The following GRID2 variants were observed in gnomAD, a reference collection of about 807,000 sequenced individuals.
GRID2 encodes the protein glutamate ionotropic receptor delta type subunit 2, also known as glutamate receptor ionotropic, delta-2.
GRID2 carries 33 observed loss-of-function variants against 114.8 expected under a neutral mutation model. That is an observed-to-expected ratio of 0.29 (90% CI 0.22 to 0.38). GRID2 has a LOEUF of 0.38. Ranked by LOEUF, GRID2 falls within the 10% of genes least tolerant of loss-of-function variation. The pLI is 1.00. For synonymous variants in GRID2, 505 were observed against 449.9 expected (o/e 1.12, Z -1.55); for missense variants, 1,184 against 1,257.7 (o/e 0.94, Z 0.89).
chr4:92,985,913 A>G (rs533081865), intron 2 of GRID2, among the ~76,000 whole-genome samples: 3 of 152,324 alleles, frequency 2.0e-5, no homozygotes, highest in Admixed American at 2.0e-4. Context: ...TGAGGAGGAA[A>G]GCATCTATAA....
chr4:93,017,428 C>T (rs2149240812), intron 2 of GRID2, among the ~76,000 whole-genome samples: 1 of 152,182 alleles, frequency 6.6e-6, no homozygotes, highest in South Asian at 2.1e-4. Flanking sequence ...ACTTTTGCTG[C>T]TGCTACTTTC....
At chr4:92,746,581 G>C (rs1443859197) in intron 2 of GRID2, among the ~76,000 whole-genome samples, 1 of 152,050 alleles carries the variant, frequency 6.6e-6, no homozygotes, top group Admixed American at 6.5e-5. Flanking sequence ...AATTAGTGGA[G>C]TTATGGGATA....
intron 2 of GRID2, among the ~76,000 whole-genome samples, chr4:92,765,692 C>T (rs1449116069): frequency 6.6e-6 from 1 of 152,090 alleles, no homozygotes; most frequent in African/African-American, 2.4e-5. Context: ...TGCTAATGTA[C>T]CTGAAATTTT....
chr4:92,389,772 CCT>C (rs1047499340), intron 1 of GRID2, among the ~76,000 whole-genome samples: 25 of 151,974 alleles, frequency 1.6e-4, no homozygotes, highest in African/African-American at 5.8e-4. Context: ...CTCAGATAAC[CCT>C]GTGTTATGGA....
chr4:93,770,097 A>G (rs1199808293), intron 15 of GRID2, among the ~76,000 whole-genome samples: 2 of 152,204 alleles, frequency 1.3e-5, no homozygotes, highest in Non-Finnish European at 2.9e-5. Flanking sequence ...AATTACACAT[A>G]TCTCTTTTAT....
chr4:92,356,610 G>A (rs762504300), intron 1 of GRID2, among the ~76,000 whole-genome samples: 47 of 151,530 alleles, frequency 3.1e-4, no homozygotes, highest in African/African-American at 9.9e-4. Context: ...AGCACATACC[G>A]CATGTATCTA....
At chr4:92,400,737 G>A (rs1044914956) in intron 1 of GRID2, among the ~76,000 whole-genome samples, 2 of 151,886 alleles carry the variant, frequency 1.3e-5, no homozygotes, top group Non-Finnish European at 2.9e-5. Flanking sequence ...ACGCATGAAG[G>A]TTCTTATTTC....
chr4:93,154,520 C>T (rs1283695721), intron 4 of GRID2, among the ~76,000 whole-genome samples: 1 of 151,880 alleles, frequency 6.6e-6, no homozygotes, highest in Non-Finnish European at 1.5e-5. Context: ...AACCGTTAAA[C>T]AATATTTGTC....
intron 9 of GRID2, among the ~76,000 whole-genome samples, chr4:93,403,049 C>T (rs1161758044): frequency 2.0e-5 from 3 of 152,132 alleles, no homozygotes; most frequent in Non-Finnish European, 2.9e-5. Flanking sequence ...AGAGACTCTA[C>T]TGGGCAAGCC....
intron 4 of GRID2, among the ~76,000 whole-genome samples, chr4:93,185,014 G>A (rs79393674): frequency 6.6e-6 from 1 of 152,292 alleles, no homozygotes; most frequent in East Asian, 1.9e-4. Context: ...TAACTACAGG[G>A]TTAGGAGAGT....
intron 12 of GRID2, among the ~76,000 whole-genome samples, chr4:93,511,022 C>T (rs868350760): frequency 2.9e-4 from 44 of 152,132 alleles, no homozygotes; most frequent in African/African-American, 9.9e-4. Context: ...CTGCAACCTC[C>T]GCCTTCTGGG....
At chr4:93,444,755 G>C (rs1458872294) in intron 10 of GRID2, among the ~76,000 whole-genome samples, 1 of 151,994 alleles carries the variant, frequency 6.6e-6, no homozygotes, top group East Asian at 1.9e-4. Context: ...TATTTAGAAA[G>C]ATTGGGTAGG....
chr4:92,606,256 T>C (rs1188751735), intron 2 of GRID2, among the ~76,000 whole-genome samples: 1 of 152,060 alleles, frequency 6.6e-6, no homozygotes, highest in Admixed American at 6.6e-5. Context: ...TCCAATGAAC[T>C]GTTGAAAATA....
intron 8 of GRID2, among the ~76,000 whole-genome samples, chr4:93,249,433 G>A (rs1303195867): frequency 3.3e-5 from 5 of 152,012 alleles, no homozygotes; most frequent in African/African-American, 9.7e-5. Context: ...AGCTTGATGG[G>A]GATAGCAATG....
chr4:93,381,279 A>G (rs1363309550), intron 8 of GRID2, among the ~76,000 whole-genome samples: 1 of 152,020 alleles, frequency 6.6e-6, no homozygotes, highest in Non-Finnish European at 1.5e-5. Flanking sequence ...TTCTGTTTCT[A>G]TGATTTTGAC....
chr4:93,792,927 A>G (rs1734723850), intron 1 of GRID2, among the ~76,000 whole-genome samples: 1 of 152,168 alleles, frequency 6.6e-6, no homozygotes, highest in African/African-American at 2.4e-5. Flanking sequence ...TGCTCCAGGT[A>G]GGACGTCAGG....
intron 2 of GRID2, among the ~76,000 whole-genome samples, chr4:92,603,181 A>T (rs537647765): frequency 6.6e-6 from 1 of 152,348 alleles, no homozygotes; most frequent in Non-Finnish European, 1.5e-5. Context: ...GACATTCTTC[A>T]GAGAATTAGA....
chr4:93,311,482 G>A (rs935366638), intron 8 of GRID2, among the ~76,000 whole-genome samples: 2 of 152,072 alleles, frequency 1.3e-5, no homozygotes, highest in African/African-American at 4.8e-5. Context: ...TTTAAGATTA[G>A]CCTTTGGAAT....
intron 11 of GRID2, among the ~76,000 whole-genome samples, chr4:93,485,972 T>G (rs1352856933): frequency 1.3e-5 from 2 of 151,866 alleles, no homozygotes; most frequent in Middle Eastern, 3.4e-3. Flanking sequence ...ATCTTTACAG[T>G]ATTAAGTCTC....
Sources: allele counts gnomAD v4.1 joint callset (sites outside exome capture counted in the v4.1 genomes callset), GRCh38; gene constraint gnomAD v4.1.1; transcripts MANE v1.5; gene names NCBI Gene and HGNC (gene_info 2026-07-23, HGNC 2026-07-21).